Variants in CDCA7L observed in about 807,000 individuals in gnomAD.
CDCA7L encodes the protein cell division cycle-associated 7-like protein.
CDCA7L carries 44 observed loss-of-function variants against 57.4 expected under a neutral mutation model. The ratio of observed to expected loss-of-function variants is 0.77; its 90% CI spans 0.60 to 0.98. The LOEUF (loss-of-function observed/expected upper bound fraction) is 0.98, where lower values mean the gene tolerates loss of function less well. Ranked by LOEUF, CDCA7L falls within the 50% of genes least tolerant of loss-of-function variation. CDCA7L has a pLI of 0.00. For synonymous variants in CDCA7L, 236 were observed against 202.8 expected (o/e 1.16, Z -1.39); for missense variants, 644 against 580.6 (o/e 1.11, Z -1.12).
At chr7:21,927,341 A>T (rs1439034323) in intron 1 of CDCA7L, among the ~76,000 whole-genome samples, 2 of 152,198 alleles carry the variant, frequency 1.3e-5, no homozygotes, top group African/African-American at 4.8e-5. Context: ...CTCCAACAGA[A>T]ATTATGGAGC....
rs963859297 is a variant in CDCA7L, at chr7:21,908,606, T to C, written c.304-99A>G. On this transcript the variant is annotated intron_variant, in intron 3 of 9. Coordinates refer to ENST00000406877, the MANE Select transcript of CDCA7L (RefSeq NM_018719.5). The stretch of plus-strand genomic sequence containing the variant: ...ACTGACAGCATTATGAGAAAAAACA[T>C]GAAAAATGAAAAGCTTCCCCTTCAT... 1.4e-5 allele frequency: 18 copies of C among 1,247,382 alleles called. No individual in the cohort carries two copies. The African/African-American group carries it at 2.8e-4, about 19-fold the overall frequency. 77.3% of individuals were successfully genotyped at this position (1,247,382 alleles called of 1,614,324 possible). A position where few individuals can be genotyped will look rare whatever the true frequency, so the allele number is the denominator to read the frequency against.
At chr7:21,925,641 G>A (rs1373349949) in intron 1 of CDCA7L, among the ~76,000 whole-genome samples, 2 of 152,208 alleles carry the variant, frequency 1.3e-5, no homozygotes, top group African/African-American at 4.8e-5. Flanking sequence ...TGCAATCCCA[G>A]TGCTGTGGGA....
intron 1 of CDCA7L, among the ~76,000 whole-genome samples, chr7:21,941,849 G>A (rs1350882220): frequency 6.6e-6 from 1 of 152,180 alleles, no homozygotes; most frequent in Non-Finnish European, 1.5e-5. Flanking sequence ...AGCACAGCAT[G>A]ACTTTTAAAA....
chr7:21,926,853 A>G (rs1284591235), intron 1 of CDCA7L, among the ~76,000 whole-genome samples: 1 of 152,212 alleles, frequency 6.6e-6, no homozygotes, highest in Non-Finnish European at 1.5e-5. Context: ...AGCCTGGGTG[A>G]CAGAGCAAGA....
intron 2 of CDCA7L, among the ~76,000 whole-genome samples, chr7:21,913,340 A>C (rs1331458499): frequency 1.3e-5 from 2 of 152,170 alleles, no homozygotes; most frequent in Non-Finnish European, 2.9e-5. Context: ...GCTTGAGAAA[A>C]AAAATTGCAC....
At chr7:21,910,336 G>A (rs577809789) in intron 3 of CDCA7L, among the ~76,000 whole-genome samples, 3 of 152,330 alleles carry the variant, frequency 2.0e-5, no homozygotes, top group African/African-American at 7.2e-5. Context: ...AAAGCCAAAG[G>A]AGACCTGGGG....
intron 1 of CDCA7L, among the ~76,000 whole-genome samples, chr7:21,941,806 G>A (rs1470600109): frequency 1.3e-5 from 2 of 152,200 alleles, no homozygotes; most frequent in Non-Finnish European, 2.9e-5. Flanking sequence ...CAGAACTACA[G>A]TGGGGATTAA....
At chr7:21,932,575 G>A (rs530620083) in intron 1 of CDCA7L, among the ~76,000 whole-genome samples, 1 of 152,318 alleles carries the variant, frequency 6.6e-6, no homozygotes, top group African/African-American at 2.4e-5. Flanking sequence ...TTAATAAATG[G>A]TGCTGGGAAA....
chr7:21,905,929 C>A lies in CDCA7L; in HGVS notation c.922-298G>T, dbSNP rs1201700533. 2.6e-5 allele frequency among the ~76,000 whole-genome samples: 4 copies of A among 152,200 alleles called. No homozygotes were observed. In the East Asian group the frequency reaches 5.8e-4, roughly 22 times the overall value. On this transcript the variant is annotated intron_variant, in intron 6 of 9. Transcript: ENST00000406877. ...CCCACAAATGGGTCCACAGTTGCTC[C>A]CTCCAAACTGAAAGCGCTTGAAACG...
chr7:21,912,460 C>A (rs551517486), intron 2 of CDCA7L, among the ~76,000 whole-genome samples: 60 of 152,222 alleles, frequency 3.9e-4, no homozygotes, highest in Non-Finnish European at 6.6e-4. Context: ...CCTGCCAAAG[C>A]TGGCAACCAG....
intron 1 of CDCA7L, among the ~76,000 whole-genome samples, chr7:21,934,437 G>A (rs1008087512): frequency 6.6e-6 from 1 of 151,850 alleles, no homozygotes; most frequent in Admixed American, 6.6e-5. Flanking sequence ...GAAATGAGAA[G>A]AGAGTCAAAA....
rs561318209 is a variant in CDCA7L at position 21,929,877 on chromosome 7, A to C, written c.25-12983T>G. Among the ~76,000 whole-genome samples the C allele has an allele frequency of 3.2e-3, 492 of 152,200 alleles. 3 individuals are homozygous for C. Among genetic ancestry groups the C allele is most frequent in the African/African-American group, 0.011 (468 of 41,494 alleles). ...GACTCCCACACAATAATAGTGGGAG[A>C]CTTTAACACGCCACTGTCACTATTA... On this transcript the variant is annotated intron_variant, in intron 1 of 9. Coordinates refer to ENST00000406877, the MANE Select transcript of CDCA7L (RefSeq NM_018719.5).
chr7:21,942,777 C>T (rs956202266), intron 1 of CDCA7L, among the ~76,000 whole-genome samples: 2 of 152,126 alleles, frequency 1.3e-5, no homozygotes, highest in African/African-American at 2.4e-5. Context: ...GAACACAGAA[C>T]AACCAAGGAG....
At chr7:21,936,923 T>A (rs934859679) in intron 1 of CDCA7L, among the ~76,000 whole-genome samples, 2 of 152,114 alleles carry the variant, frequency 1.3e-5, no homozygotes, top group African/African-American at 4.8e-5. Context: ...CACTAGAGAT[T>A]ACACAAAAAG....
At chr7:21,902,913 G>GAGGGTCTCCTGTGCTCAGCCTCAAGATTT in intron 9 of CDCA7L, 65 bp downstream of exon 9, 1 of 1,523,266 alleles carries the variant, frequency 6.6e-7, no homozygotes, top group Non-Finnish European at 9.0e-7. Flanking sequence ...TACTTGCCCA[G>GAGGGTCTCCTGTGCTCAGCCTCAAGATTT]AGGGTCTCCT....
At position 21,901,409 on chromosome 7, in the gene CDCA7L, A is replaced by G; in HGVS notation, c.*913T>C. 3 of 1,125,296 alleles carry G rather than the reference A, an allele frequency of 2.7e-6. No individual in the cohort carries two copies. Among genetic ancestry groups the G allele is most frequent in the Non-Finnish European group, 3.5e-6 (3 of 856,304 alleles). 69.7% of individuals were successfully genotyped at this position (1,125,296 alleles called of 1,614,324 possible). On this transcript the variant is annotated 3_prime_UTR_variant, in exon 10 of 10. Transcript: ENST00000406877. ...TCCTTAGAGTGAAAGTCAGAAAAAA[A>G]TACTAGAAACTAACTCAGGGCTGAG...
intron 4 of CDCA7L, among the ~76,000 whole-genome samples, chr7:21,907,182 T>C (rs1027170711): frequency 3.9e-5 from 6 of 152,214 alleles, no homozygotes; most frequent in African/African-American, 1.4e-4. Context: ...AGAATTTAAT[T>C]AGGATTCGTT....
At chr7:21,910,562 G>A (rs749116303) in intron 3 of CDCA7L, among the ~76,000 whole-genome samples, 1 of 152,100 alleles carries the variant, frequency 6.6e-6, no homozygotes, top group African/African-American at 2.4e-5. Context: ...TAAACTCTAC[G>A]TTCCATCTTC....
At chr7:21,902,785 G>A in intron 9 of CDCA7L, 193 bp downstream of exon 9, 1 of 568,156 alleles carries the variant, frequency 1.8e-6, no homozygotes, top group Non-Finnish European at 3.0e-6. Flanking sequence ...ATCTAGCAAA[G>A]GAGAAGATTC....
Sources: gnomAD v4.1 joint callset for allele counts (sites outside exome capture counted in the v4.1 genomes callset) on GRCh38, gnomAD v4.1.1 for gene constraint, MANE v1.5 for transcripts, NCBI Gene and HGNC (gene_info 2026-07-23, HGNC 2026-07-21) for gene names.